Variants in PRIM2 observed in about 807,000 individuals in gnomAD.
PRIM2 encodes DNA primase large subunit.
In PRIM2, 39 loss-of-function variants were observed where a neutral mutation model predicts 67.3. The observed-to-expected ratio is 0.58, with a 90% CI of 0.45 to 0.76. PRIM2 has a LOEUF of 0.76. PRIM2 is among the 30% of genes least tolerant of loss of function. PRIM2 has a pLI of 0.00. For missense variants in PRIM2, 398 were observed against 598.7 expected (o/e 0.66, Z 3.50); for synonymous variants, 143 against 198.7 (o/e 0.72, Z 2.36).
chr6:57,604,185 C>T (rs1776520986), intron 11 of PRIM2, among the ~76,000 whole-genome samples: 2 of 152,026 alleles, frequency 1.3e-5, no homozygotes, highest in Admixed American at 6.5e-5. Context: ...GGCATGGTGG[C>T]GTGCACCTGT....
intron 5 of PRIM2, among the ~76,000 whole-genome samples, chr6:57,327,962 A>G (rs193266874): frequency 6.6e-6 from 1 of 152,174 alleles, no homozygotes; most frequent in Non-Finnish European, 1.5e-5. Flanking sequence ...TGCACATCTT[A>G]GATCTCTCAC....
intron 5 of PRIM2, among the ~76,000 whole-genome samples, chr6:57,337,359 C>T (rs1015782165): frequency 6.6e-6 from 1 of 151,990 alleles, no homozygotes; most frequent in Admixed American, 6.6e-5. Flanking sequence ...ACCAAGCAGA[C>T]CTAATAGACA....
chr6:57,242,723 AGT>A, the PRIM2 span, among the ~76,000 whole-genome samples: 1 of 152,132 alleles, frequency 6.6e-6, no homozygotes, highest in Non-Finnish European at 1.5e-5. Context: ...TTTTTAAACC[AGT>A]GTTGCTATCT....
At chr6:57,499,837 A>G (rs1581955175) in intron 7 of PRIM2, among the ~76,000 whole-genome samples, 1 of 152,172 alleles carries the variant, frequency 6.6e-6, no homozygotes, top group Admixed American at 6.6e-5. Context: ...ACAGTTGGAC[A>G]TCCCTGTTTT....
chr6:57,266,998 T>C, the PRIM2 span, among the ~76,000 whole-genome samples: 1 of 152,262 alleles, frequency 6.6e-6, no homozygotes, highest in Admixed American at 6.5e-5. Flanking sequence ...CTGTTAAAGA[T>C]GTGACGTGGG....
At chr6:57,234,397 G>A in the PRIM2 span, among the ~76,000 whole-genome samples, 286 of 152,288 alleles carry the variant, frequency 1.9e-3, 4 homozygotes, top group East Asian at 0.025. Context: ...ATTCTCCAGC[G>A]TGTGAGATAT....
chr6:57,541,718 C>T (rs1366885737), intron 10 of PRIM2, among the ~76,000 whole-genome samples: 1 of 152,080 alleles, frequency 6.6e-6, no homozygotes, highest in Admixed American at 6.6e-5. Flanking sequence ...AAAAATGAGG[C>T]CCCAGTTTAA....
At chr6:57,339,055 C>T (rs1247773066) in intron 5 of PRIM2, among the ~76,000 whole-genome samples, 2 of 151,922 alleles carry the variant, frequency 1.3e-5, no homozygotes, top group Non-Finnish European at 1.5e-5. Context: ...TTCTTATACA[C>T]CAACAACAGA....
At chr6:57,471,240 C>G (rs1773330396) in intron 7 of PRIM2, among the ~76,000 whole-genome samples, 2 of 151,780 alleles carry the variant, frequency 1.3e-5, no homozygotes, top group Non-Finnish European at 2.9e-5. Flanking sequence ...AGGCACTAAA[C>G]AAATAGAGGA....
At chr6:57,434,082 G>A (rs141225697) in intron 7 of PRIM2, among the ~76,000 whole-genome samples, 1 of 152,016 alleles carries the variant, frequency 6.6e-6, no homozygotes, top group African/African-American at 2.4e-5. Flanking sequence ...GCGCCACCAT[G>A]CCCAACTAAT....
At chr6:57,452,289 G>T (rs1338959295) in intron 7 of PRIM2, among the ~76,000 whole-genome samples, 1 of 152,094 alleles carries the variant, frequency 6.6e-6, no homozygotes, top group South Asian at 2.1e-4. Context: ...AATCCTTTGG[G>T]TATATACCCA....
In PRIM2 at chr6:57,368,631, G is replaced by A. The variant is rs202124699; in HGVS notation, c.460-11270G>A. ...ACAACATATATTTTTAGTCTCATCC[G>A]TTCCACATTTTGGGGATGGGTATGG... On this transcript the variant is annotated intron_variant, in intron 5 of 13. Transcript: ENST00000615550. Among the ~76,000 whole-genome samples, 439 of 152,202 alleles carry A rather than the reference G, an allele frequency of 2.9e-3. 9 individuals carry two copies. In the East Asian group the frequency reaches 0.067, roughly 23 times the overall value.
At chr6:57,401,413 G>A (rs1162022795) in intron 7 of PRIM2, among the ~76,000 whole-genome samples, 1 of 152,154 alleles carries the variant, frequency 6.6e-6, no homozygotes, top group African/African-American at 2.4e-5. Context: ...AAGCTTTGGG[G>A]TGTGATGCGG....
At chr6:57,640,527 A>C (rs2127501559) in intron 13 of PRIM2, among the ~76,000 whole-genome samples, 1 of 152,368 alleles carries the variant, frequency 6.6e-6, no homozygotes, top group South Asian at 2.1e-4. Flanking sequence ...CTGATCAGCA[A>C]CTTCAGCAAA....
chr6:57,626,433 A>G (rs1349021611), intron 12 of PRIM2, among the ~76,000 whole-genome samples: 6 of 152,218 alleles, frequency 3.9e-5, no homozygotes, highest in Non-Finnish European at 8.8e-5. Context: ...TGATTAAATT[A>G]GAAAAATATC....
intron 7 of PRIM2, among the ~76,000 whole-genome samples, chr6:57,491,873 G>T (rs1241317164): frequency 1.3e-5 from 2 of 151,852 alleles, no homozygotes; most frequent in Non-Finnish European, 2.9e-5. Flanking sequence ...ACGAGGCTGG[G>T]TTCCTTATTT....
intron 7 of PRIM2, among the ~76,000 whole-genome samples, chr6:57,407,493 G>A (rs1770932999): frequency 2.0e-5 from 3 of 151,614 alleles, no homozygotes; most frequent in Non-Finnish European, 4.4e-5. Flanking sequence ...GTGAAAGCAA[G>A]TTTATTAGGA....
intron 7 of PRIM2, among the ~76,000 whole-genome samples, chr6:57,396,126 T>C (rs1277223576): frequency 6.6e-6 from 1 of 152,188 alleles, no homozygotes; most frequent in Admixed American, 6.5e-5. Context: ...GAATGTGTAT[T>C]CTGAGGTTGT....
chr6:57,281,841 T>C, the PRIM2 span, among the ~76,000 whole-genome samples: 1 of 152,106 alleles, frequency 6.6e-6, no homozygotes, highest in Non-Finnish European at 1.5e-5. Flanking sequence ...TTATGTTTAT[T>C]AAAAAAAGCC....
Sources: allele counts gnomAD v4.1 joint callset (sites outside exome capture counted in the v4.1 genomes callset), GRCh38; gene constraint gnomAD v4.1.1; transcripts MANE v1.5; gene names NCBI Gene and HGNC (gene_info 2026-07-23, HGNC 2026-07-21).